Variants in ABHD17C observed in about 807,000 individuals in gnomAD.
ABHD17C encodes alpha/beta hydrolase domain-containing protein 17C.
In ABHD17C, 11 loss-of-function variants were observed where a neutral mutation model predicts 27.9. The ratio of observed to expected loss-of-function variants is 0.39; its 90% CI spans 0.25 to 0.65. The LOEUF (loss-of-function observed/expected upper bound fraction) is 0.65. ABHD17C is among the 30% of genes least tolerant of loss of function. ABHD17C has a pLI of 0.45. For synonymous variants in ABHD17C, 233 were observed against 209.1 expected, an observed-to-expected ratio of 1.11 and a Z score of -0.98; for missense variants, 280 against 470.2, an observed-to-expected ratio of 0.60 and a Z score of 3.74.
chr15:80,713,354 C>CTTTCTTTTTTTTTTT (rs1894753351), intron 1 of ABHD17C, among the ~76,000 whole-genome samples: 1 of 43,854 alleles, frequency 2.3e-5, no homozygotes. Flanking sequence ...AGGTCTTGTT[C>CTTTCTTTTTTTTTTT]TTTTTTTTTT....
chr15:80,746,750 C>T (rs949501443), intron 1 of ABHD17C, among the ~76,000 whole-genome samples: 4 of 152,240 alleles, frequency 2.6e-5, no homozygotes, highest in Admixed American at 1.3e-4. Context: ...TGCCTTGTCT[C>T]CTGGGCTGTG....
intron 1 of ABHD17C, among the ~76,000 whole-genome samples, chr15:80,699,038 G>C (rs1336319566): frequency 2.6e-5 from 4 of 152,182 alleles, no homozygotes; most frequent in Non-Finnish European, 5.9e-5. Context: ...ATCGTCTTTT[G>C]TATCTGCCCT....
Position 80,695,382 on chromosome 15 carries a change from G to C in ABHD17C, c.-48G>C. ...GTCCGTCCTCCGTCCTCCCGGGCCA[G>C]CCAGCCAGCCAGCCAGCCGGGCCGG... On this transcript the variant is annotated 5_prime_UTR_variant, in exon 1 of 3. Transcript: ENST00000258884. The surrounding 1 kb of genome is among the most constrained non-coding windows in gnomAD (Gnocchi z 4.3). 8.7e-7 allele frequency: 1 copy of C among 1,154,022 alleles called. No individual in the cohort carries two copies. 71.5% of individuals were successfully genotyped at this position (1,154,022 alleles called of 1,614,324 possible).
intron 1 of ABHD17C, among the ~76,000 whole-genome samples, chr15:80,747,982 C>G (rs966984559): frequency 2.0e-5 from 3 of 152,202 alleles, no homozygotes; most frequent in African/African-American, 7.2e-5. Flanking sequence ...CCTAGCACAT[C>G]CCCTGCCGGC....
chr15:80,739,504 C>T (rs1717177587), intron 1 of ABHD17C, among the ~76,000 whole-genome samples: 1 of 152,244 alleles, frequency 6.6e-6, no homozygotes, highest in South Asian at 2.1e-4. Context: ...GTGGATCCCT[C>T]ATGAATGGCT....
At chr15:80,726,706 G>A (rs1183874113) in intron 1 of ABHD17C, among the ~76,000 whole-genome samples, 1 of 151,588 alleles carries the variant, frequency 6.6e-6, no homozygotes, top group Admixed American at 6.6e-5. Flanking sequence ...TAGAGATGGG[G>A]TTTCACCGTG....
At chr15:80,723,925 G>A (rs767604960) in intron 1 of ABHD17C, among the ~76,000 whole-genome samples, 5 of 152,140 alleles carry the variant, frequency 3.3e-5, no homozygotes, top group African/African-American at 4.8e-5. Flanking sequence ...TTTTCAGTCC[G>A]GGTGCAGTAG....
intron 1 of ABHD17C, chr15:80,703,325 C>T (rs1567030289): frequency 6.6e-6 from 1 of 152,246 alleles, no homozygotes; most frequent in Non-Finnish European, 1.5e-5. Context: ...TACATTTCAA[C>T]ATCAGTTTGA....
chr15:80,711,912 G>A (rs1271417999), intron 1 of ABHD17C, among the ~76,000 whole-genome samples: 1 of 152,182 alleles, frequency 6.6e-6, no homozygotes, highest in Non-Finnish European at 1.5e-5. Context: ...GTTCTAGGTA[G>A]AATGAAAGAC....
At chr15:80,731,740 T>C (rs76043009) in intron 1 of ABHD17C, among the ~76,000 whole-genome samples, 13,746 of 152,290 alleles carry the variant, frequency 0.09, 876 homozygotes, top group Middle Eastern at 0.19. Context: ...TTACTGTTTT[T>C]ACTTTTATAA....
intron 1 of ABHD17C, among the ~76,000 whole-genome samples, chr15:80,706,583 T>C (rs1894652224): frequency 6.6e-6 from 1 of 152,160 alleles, no homozygotes; most frequent in Non-Finnish European, 1.5e-5. Flanking sequence ...TCAGAATATA[T>C]CCACAAAAAG....
intron 1 of ABHD17C, among the ~76,000 whole-genome samples, chr15:80,745,139 G>T (rs1306358449): frequency 1.3e-5 from 2 of 152,114 alleles, no homozygotes; most frequent in Non-Finnish European, 1.5e-5. Context: ...GAACACTTGT[G>T]GTGTGACATA....
At position 80,713,702 on chromosome 15, in the gene ABHD17C, G is replaced by A. The variant is rs192649378; in HGVS notation, c.590+17683G>A. Among the ~76,000 whole-genome samples, 59 of 151,932 alleles carry A rather than the reference G, an allele frequency of 3.9e-4. 1 individual carries two copies. Among genetic ancestry groups the A allele is most frequent in the African/African-American group, 8.7e-4 (36 of 41,456 alleles). ...CAGGCGCCTGTAATCCCAACTACTC[G>A]GGAGGCTGAGGCACGAGAATGGCTT... On this transcript the variant is annotated intron_variant, in intron 1 of 2. Coordinates refer to ENST00000258884, the MANE Select transcript of ABHD17C (RefSeq NM_021214.2).
At chr15:80,724,213 A>T (rs1227499528) in intron 1 of ABHD17C, among the ~76,000 whole-genome samples, 1 of 152,044 alleles carries the variant, frequency 6.6e-6, no homozygotes, top group Admixed American at 6.6e-5. Context: ...GTGGTGGGGC[A>T]TGCCTTTAAT....
At chr15:80,731,300 C>T (rs1275807207) in intron 1 of ABHD17C, among the ~76,000 whole-genome samples, 5 of 152,186 alleles carry the variant, frequency 3.3e-5, no homozygotes, top group Non-Finnish European at 5.9e-5. Flanking sequence ...TCTGTGTTTC[C>T]GCTTACTGCA....
chr15:80,740,974 A>G (rs1895201165), intron 1 of ABHD17C, among the ~76,000 whole-genome samples: 1 of 152,230 alleles, frequency 6.6e-6, no homozygotes, highest in East Asian at 1.9e-4. Context: ...ACACGTGTTT[A>G]GTGGACATGG....
At chr15:80,728,595 C>T (rs936686395) in intron 1 of ABHD17C, among the ~76,000 whole-genome samples, 1 of 152,206 alleles carries the variant, frequency 6.6e-6, no homozygotes, top group Non-Finnish European at 1.5e-5. Flanking sequence ...AGAGTCAAGA[C>T]TATAGTGATT....
At chr15:80,702,214 G>A (rs1462997094) in intron 1 of ABHD17C, among the ~76,000 whole-genome samples, 2 of 152,120 alleles carry the variant, frequency 1.3e-5, no homozygotes, top group Non-Finnish European at 2.9e-5. Context: ...GGTCAGGCAC[G>A]GTGACACAGC....
At chr15:80,732,735 G>T (rs1567036336) in intron 1 of ABHD17C, among the ~76,000 whole-genome samples, 1 of 152,180 alleles carries the variant, frequency 6.6e-6, no homozygotes. Flanking sequence ...CATGGGTTCT[G>T]CCCAGCGGAA....
Sources: gnomAD v4.1 joint callset for allele counts (sites outside exome capture counted in the v4.1 genomes callset) on GRCh38, gnomAD v4.1.1 for gene constraint, Gnocchi (gnomAD v3.1) non-coding constraint, MANE v1.5 for transcripts, NCBI Gene and HGNC (gene_info 2026-07-23, HGNC 2026-07-21) for gene names.